Variants in DIAPH3 observed in about 807,000 individuals in gnomAD.
DIAPH3 encodes diaphanous related formin 3.
Under a neutral mutation model 144.3 loss-of-function variants are expected in DIAPH3, and 117 were observed. That is an observed-to-expected ratio of 0.81 (90% CI 0.70 to 0.95). The LOEUF is 0.95. Ranked by LOEUF, DIAPH3 falls within the 40% of genes least tolerant of loss-of-function variation. The pLI, the probability that DIAPH3 is intolerant of heterozygous loss-of-function variation, is 0.00. For missense variants in DIAPH3, 1,421 were observed against 1,412.7 expected, an observed-to-expected ratio of 1.01 and a Z score of -0.09; for synonymous variants, 519 against 488.9, an observed-to-expected ratio of 1.06 and a Z score of -0.81.
chr13:59,924,118 C>T (rs1240525423), intron 18 of DIAPH3, among the ~76,000 whole-genome samples: 1 of 152,142 alleles, frequency 6.6e-6, no homozygotes, highest in Non-Finnish European at 1.5e-5. Flanking sequence ...CATAGTATAT[C>T]ATCTCTAAGC....
At chr13:59,668,512 TGTGTGTGC>T (rs1301524557) in intron 27 of DIAPH3, among the ~76,000 whole-genome samples, 3 of 152,200 alleles carry the variant, frequency 2.0e-5, no homozygotes, top group African/African-American at 4.8e-5. Context: ...ATATGAAATG[TGTGTGTGC>T]GTGTGTGCGC....
chr13:60,114,097 G>A (rs1325327037), intron 2 of DIAPH3, among the ~76,000 whole-genome samples: 1 of 152,178 alleles, frequency 6.6e-6, no homozygotes, highest in East Asian at 1.9e-4. Flanking sequence ...AAAGGCTGGG[G>A]CAGGGTACCT....
intron 9 of DIAPH3, among the ~76,000 whole-genome samples, chr13:59,997,480 C>T (rs966385252): frequency 9.2e-5 from 14 of 152,054 alleles, no homozygotes; most frequent in Non-Finnish European, 1.3e-4. Context: ...CATATCTTTG[C>T]TATTGTGAAT....
intron 4 of DIAPH3, among the ~76,000 whole-genome samples, chr13:60,089,706 T>C (rs1299232885): frequency 1.3e-5 from 2 of 152,184 alleles, no homozygotes; most frequent in Non-Finnish European, 1.5e-5. Flanking sequence ...TTAAAAGACA[T>C]TTTCTCCAAT....
Position 59,774,754 on chromosome 13 carries a change from C to G in DIAPH3, c.3233G>C (p.Arg1078Thr). ...TTTTGGCATCGGTGTCCTTTTTCTT[C>G]TGTCGCGGAAGGCAGCCCCGGACTG... The part of the protein sequence containing the change: ...ALQSGAAFRD[R>T]RKRTPMPKDV... Residue 1078 changes from arginine (R) to threonine (T), a missense_variant, in exon 26 of 28, where the codon AGA becomes ACA. By Grantham distance (71) the Arg-to-Thr change is moderately conservative. Coordinates refer to ENST00000400324, the MANE Select transcript of DIAPH3 (RefSeq NM_001042517.2). 6.2e-7 allele frequency: 1 copy of G among 1,614,160 alleles called. No individual in the cohort carries two copies. Among genetic ancestry groups the G allele is most frequent in the Non-Finnish European group, 8.5e-7 (1 of 1,180,014 alleles).
At position 60,163,699 on chromosome 13, in the gene DIAPH3, G is replaced by C; in HGVS notation, c.68C>G (p.Ser23Cys). ...QGSAAGTPYP[S>C]SASLRGCRES... ...CCGGCAGCCGCGGAGAGAGGCTGAGGAAGGGTAGGGAGTCCCAGCGGCTGA... is the reference window on the plus strand; with the variant it reads ...CCGGCAGCCGCGGAGAGAGGCTGAGCAAGGGTAGGGAGTCCCAGCGGCTGA... Residue 23 changes from serine to cysteine, a missense_variant, in exon 1 of 28, where the codon TCC (serine) becomes TGC (cysteine). Transcript: ENST00000400324. The C allele has an allele frequency of 6.2e-7, 1 of 1,607,996 alleles. No homozygotes were observed. Among genetic ancestry groups the C allele is most frequent in the Non-Finnish European group, 8.5e-7 (1 of 1,176,124 alleles).
intron 20 of DIAPH3, among the ~76,000 whole-genome samples, chr13:59,888,231 G>A (rs1389122168): frequency 1.3e-5 from 2 of 151,860 alleles, no homozygotes; most frequent in Non-Finnish European, 2.9e-5. Context: ...CATAAAAGAG[G>A]GTCCAGAGAG....
intron 24 of DIAPH3, among the ~76,000 whole-genome samples, chr13:59,828,998 C>T (rs1051908073): frequency 1.3e-5 from 2 of 151,904 alleles, no homozygotes; most frequent in Non-Finnish European, 2.9e-5. Flanking sequence ...CCCCCTTGTT[C>T]TACATGGCTT....
intron 22 of DIAPH3, among the ~76,000 whole-genome samples, chr13:59,846,430 T>C (rs1439831006): frequency 6.6e-6 from 1 of 152,178 alleles, no homozygotes; most frequent in African/African-American, 2.4e-5. Flanking sequence ...CAAACCTTCC[T>C]ACACTCATAG....
At chr13:60,151,088 G>GAA (rs1200982594) in intron 1 of DIAPH3, among the ~76,000 whole-genome samples, 10 of 103,716 alleles carry the variant, frequency 9.6e-5, no homozygotes, top group African/African-American at 1.1e-4. Flanking sequence ...TGTCCCCCAG[G>GAA]AAAAAAAAAA....
intron 18 of DIAPH3, among the ~76,000 whole-genome samples, chr13:59,922,694 G>A (rs375944616): frequency 3.3e-5 from 5 of 152,114 alleles, no homozygotes; most frequent in Middle Eastern, 3.4e-3. Context: ...CCATCAGAGA[G>A]GAGAAGAATA....
At chr13:59,749,172 C>G (rs2036858026) in intron 27 of DIAPH3, among the ~76,000 whole-genome samples, 1 of 138,400 alleles carries the variant, frequency 7.2e-6, no homozygotes, top group Non-Finnish European at 1.5e-5. Flanking sequence ...TGAGATAGTG[C>G]CACTGCACTC....
intron 1 of DIAPH3, among the ~76,000 whole-genome samples, chr13:60,154,033 G>A (rs1484792253): frequency 5.9e-5 from 9 of 152,214 alleles, no homozygotes; most frequent in Non-Finnish European, 1.0e-4. Flanking sequence ...CAATCCAAAT[G>A]TTACCTGGTA....
At chr13:59,780,651 A>G (rs2038688968) in intron 25 of DIAPH3, among the ~76,000 whole-genome samples, 1 of 152,218 alleles carries the variant, frequency 6.6e-6, no homozygotes, top group African/African-American at 2.4e-5. Flanking sequence ...GGGAGAGTTA[A>G]GGACATTTCT....
intron 25 of DIAPH3, among the ~76,000 whole-genome samples, chr13:59,784,851 GCA>G (rs144477527): frequency 2.7e-4 from 40 of 148,258 alleles, no homozygotes; most frequent in Middle Eastern, 3.4e-3. Context: ...ACACACGCGC[GCA>G]CACACACACA....
chr13:60,069,146 G>C (rs1379817669), intron 4 of DIAPH3, among the ~76,000 whole-genome samples: 1 of 152,066 alleles, frequency 6.6e-6, no homozygotes, highest in African/African-American at 2.4e-5. Flanking sequence ...GCCAGCACCA[G>C]TTATTTTTTG....
At chr13:60,150,310 C>G (rs1381045325) in intron 1 of DIAPH3, among the ~76,000 whole-genome samples, 1 of 152,088 alleles carries the variant, frequency 6.6e-6, no homozygotes, top group Non-Finnish European at 1.5e-5. Flanking sequence ...TAGACATGAG[C>G]CACCGCGCCT....
At chr13:59,696,490 C>T (rs546795611) in intron 27 of DIAPH3, among the ~76,000 whole-genome samples, 13 of 152,254 alleles carry the variant, frequency 8.5e-5, no homozygotes, top group Non-Finnish European at 1.5e-4. Flanking sequence ...CATCCCATTA[C>T]GGTGGGTTCA....
At chr13:59,865,967 C>A (rs2043893414) in intron 21 of DIAPH3, among the ~76,000 whole-genome samples, 1 of 151,926 alleles carries the variant, frequency 6.6e-6, no homozygotes, top group African/African-American at 2.4e-5. Flanking sequence ...CTCTACTCCG[C>A]ATCATTATGT....
Sources: allele counts gnomAD v4.1 joint callset (sites outside exome capture counted in the v4.1 genomes callset), GRCh38; gene constraint gnomAD v4.1.1; transcripts MANE v1.5; gene names NCBI Gene and HGNC (gene_info 2026-07-23, HGNC 2026-07-21).